KANSL1L: variants seen among roughly 807,000 people sequenced by gnomAD.
The protein encoded by KANSL1L is KAT8 regulatory NSL complex subunit 1-like protein.
In KANSL1L, 25 loss-of-function variants were observed where a neutral mutation model predicts 108.6. The observed-to-expected ratio is 0.23, with a 90% CI of 0.17 to 0.32. The LOEUF (loss-of-function observed/expected upper bound fraction) is 0.32. KANSL1L is among the 10% of genes least tolerant of loss of function. The pLI, the probability that KANSL1L is intolerant of heterozygous loss-of-function variation, is 1.00. For synonymous variants in KANSL1L, 405 were observed against 395.1 expected (o/e 1.03, Z -0.30); for missense variants, 1,137 against 1,125.7 (o/e 1.01, Z -0.14).
chr2:210,125,687 G>C (rs527419112), intron 3 of KANSL1L, among the ~76,000 whole-genome samples: 1 of 152,084 alleles, frequency 6.6e-6, no homozygotes, highest in Non-Finnish European at 1.5e-5. Flanking sequence ...TATTAAAACC[G>C]ATTAATGTAA....
In KANSL1L at chr2:210,154,046, A is replaced by C; in HGVS notation, c.537T>G (p.Leu179=). Residue 179 remains leucine, a synonymous_variant, in exon 2 of 15, where the codon CTT becomes CTG. Transcript: ENST00000281772. ...QNCKWYQENA[L]LDKVTDAEIK... is the part of the protein sequence containing the mutation. ...TCTCAGCATCAGTAACTTTATCCAA[A>C]AGTGCATTCTCTTGATACCATTTAC... 1 of 1,613,910 alleles carries C rather than the reference A, an allele frequency of 6.2e-7. No homozygotes were observed. Among genetic ancestry groups the C allele is most frequent in the Non-Finnish European group, 8.5e-7 (1 of 1,179,902 alleles).
intron 3 of KANSL1L, among the ~76,000 whole-genome samples, chr2:210,128,463 A>C (rs185472662): frequency 6.6e-6 from 1 of 152,354 alleles, no homozygotes; most frequent in East Asian, 1.9e-4. Flanking sequence ...AATATTTATG[A>C]AACTTGAGAA....
At chr2:210,062,225 G>A (rs2094427370) in intron 6 of KANSL1L, among the ~76,000 whole-genome samples, 1 of 152,146 alleles carries the variant, frequency 6.6e-6, no homozygotes, top group Non-Finnish European at 1.5e-5. Flanking sequence ...AAAAAGAGAA[G>A]ATACCCTGTA....
intron 6 of KANSL1L, among the ~76,000 whole-genome samples, chr2:210,065,314 A>AAAAAAG (rs1359569653): frequency 6.9e-6 from 1 of 145,864 alleles, no homozygotes; most frequent in African/African-American, 2.5e-5. Context: ...AAAAAAAAAA[A>AAAAAAG]AAGAATCTGT....
chr2:210,111,922 C>A (rs912318337), intron 3 of KANSL1L, among the ~76,000 whole-genome samples: 6 of 144,836 alleles, frequency 4.1e-5, no homozygotes, highest in Non-Finnish European at 7.6e-5. Flanking sequence ...TGTGATGTTC[C>A]CCTTCCTGTG....
chr2:210,076,571 A>G (rs1022001651), intron 5 of KANSL1L, among the ~76,000 whole-genome samples: 5 of 152,110 alleles, frequency 3.3e-5, no homozygotes, highest in African/African-American at 1.2e-4. Flanking sequence ...ACATTTTAGC[A>G]TTTTTTAAAA....
At chr2:210,033,166 G>C (rs1285473837) in intron 8 of KANSL1L, among the ~76,000 whole-genome samples, 2 of 152,198 alleles carry the variant, frequency 1.3e-5, no homozygotes, top group African/African-American at 4.8e-5. Context: ...AGTGATAGCT[G>C]AAGTGTTTTC....
At chr2:210,152,028 A>G (rs947203576) in intron 2 of KANSL1L, 10 of 152,304 alleles carry the variant, frequency 6.6e-5, no homozygotes, top group African/African-American at 2.4e-4. Context: ...TGTTACATAG[A>G]TAAATCTGTG....
intron 2 of KANSL1L, among the ~76,000 whole-genome samples, chr2:210,147,973 G>GA (rs1257363361): frequency 2.0e-5 from 3 of 152,048 alleles, no homozygotes; most frequent in Non-Finnish European, 4.4e-5. Flanking sequence ...TTTTAATCTG[G>GA]AGTCACCCAA....
chr2:210,031,420 C>T lies in KANSL1L; in HGVS notation c.2155+1G>A, dbSNP rs781610403. ...CTGCTTATATCCTCACTTTAACCTA[C>T]CTAATGCTGTTTCACTCAAATGTCT... On this transcript the variant is annotated splice_donor_variant, in intron 9 of 14. Transcript: ENST00000281772. LOFTEE classifies it high-confidence loss of function. 2.5e-6 allele frequency: 4 copies of T among 1,591,792 alleles called. No homozygotes were observed. Among genetic ancestry groups the T allele is most frequent in the Non-Finnish European group, 3.4e-6 (4 of 1,164,282 alleles).
chr2:210,158,796 T>C (rs1343609974), intron 1 of KANSL1L, among the ~76,000 whole-genome samples: 1 of 152,026 alleles, frequency 6.6e-6, no homozygotes, highest in East Asian at 1.9e-4. Flanking sequence ...ATAAAAAAGA[T>C]TAAATTATGT....
intron 5 of KANSL1L, among the ~76,000 whole-genome samples, chr2:210,084,662 G>A (rs1053401064): frequency 2.0e-5 from 3 of 151,618 alleles, no homozygotes; most frequent in Non-Finnish European, 4.4e-5. Context: ...TCGCCAGGCT[G>A]GAGTGCATTG....
At chr2:210,062,705 A>G (rs777671028) in intron 6 of KANSL1L, among the ~76,000 whole-genome samples, 2 of 152,204 alleles carry the variant, frequency 1.3e-5, no homozygotes, top group Non-Finnish European at 2.9e-5. Context: ...AGAGATCTAT[A>G]GAACTTTGAA....
intron 3 of KANSL1L, among the ~76,000 whole-genome samples, chr2:210,113,367 A>G (rs1314323681): frequency 6.6e-6 from 1 of 152,210 alleles, no homozygotes; most frequent in Non-Finnish European, 1.5e-5. Flanking sequence ...GATTTTAACT[A>G]TACACTTCAG....
At chr2:210,120,875 G>T (rs550986665) in intron 3 of KANSL1L, among the ~76,000 whole-genome samples, 2 of 152,034 alleles carry the variant, frequency 1.3e-5, no homozygotes, top group Non-Finnish European at 2.9e-5. Context: ...ACATACATGC[G>T]GCCAAAAATC....
intron 3 of KANSL1L, among the ~76,000 whole-genome samples, chr2:210,121,153 C>G (rs1203691026): frequency 6.6e-6 from 1 of 151,994 alleles, no homozygotes; most frequent in Non-Finnish European, 1.5e-5. Flanking sequence ...GAGTATACAC[C>G]CAAAGGAATA....
chr2:210,170,989 G>C (rs899516086), intron 1 of KANSL1L, among the ~76,000 whole-genome samples, 160 bp downstream of exon 1: 2 of 151,652 alleles, frequency 1.3e-5, no homozygotes, highest in African/African-American at 4.8e-5. Context: ...GCCGAGACCA[G>C]AGTCCAGCAG....
rs777228662 is a variant in KANSL1L, at chr2:210,029,813, T to A, written c.2261A>T (p.Asn754Ile). 1 of 1,560,204 alleles carries A rather than the reference T, an allele frequency of 6.4e-7. No individual in the cohort carries two copies. The highest frequency in any genetic ancestry group is 8.8e-7 in the Non-Finnish European group (1 of 1,134,392). The change falls in exon 10 of 15, where the codon AAT becomes ATT. Residue 754 changes from asparagine (N) to isoleucine (I), a missense_variant. This residue lies in a region of KANSL1L where 575 missense variants were observed against 567.1 expected (regional missense o/e 1.01). Coordinates refer to ENST00000281772, the MANE Select transcript of KANSL1L (RefSeq NM_152519.4). ...TATGGAAAAACCTACTCGTGATGAA[T>A]TCTGGATTCTTGATAAAACGTTGAC... ...SNVNVLSRIQNSSRNTARRRL... is the reference protein window; with the variant it reads ...SNVNVLSRIQISSRNTARRRL...
intron 6 of KANSL1L, among the ~76,000 whole-genome samples, chr2:210,072,055 C>G (rs2094511481): frequency 6.6e-6 from 1 of 152,156 alleles, no homozygotes; most frequent in East Asian, 1.9e-4. Context: ...AATATTTTGT[C>G]TAATCTACCA....
Sources: allele counts gnomAD v4.1 joint callset (sites outside exome capture counted in the v4.1 genomes callset), GRCh38; gene constraint gnomAD v4.1.1; regional missense constraint gnomAD v4.1.1; transcripts MANE v1.5; gene names NCBI Gene and HGNC (gene_info 2026-07-23, HGNC 2026-07-21).